WNT7A: variants seen among roughly 807,000 people sequenced by gnomAD.
WNT7A encodes the protein Wnt family member 7A.
Under a neutral mutation model 28.2 loss-of-function variants are expected in WNT7A, and 16 were observed. The ratio of observed to expected loss-of-function variants is 0.57; its 90% CI spans 0.38 to 0.86. The LOEUF is 0.86. Among genes scored for constraint, WNT7A ranks in the 40% least tolerant of loss-of-function variants. WNT7A has a pLI of 0.00. For missense variants in WNT7A, 411 were observed against 489.7 expected, an observed-to-expected ratio of 0.84 and a Z score of 1.52; for synonymous variants, 190 against 195.9, an observed-to-expected ratio of 0.97 and a Z score of 0.25.
At chr3:13,829,826 G>A (rs1175985088) in intron 3 of WNT7A, among the ~76,000 whole-genome samples, 1 of 152,126 alleles carries the variant, frequency 6.6e-6, no homozygotes, top group African/African-American at 2.4e-5. Context: ...AGAGATGAGA[G>A]GAAGTGACCA....
intron 1 of WNT7A, among the ~76,000 whole-genome samples, chr3:13,877,937 T>C (rs567143129): frequency 6.6e-6 from 1 of 152,228 alleles, no homozygotes; most frequent in East Asian, 1.9e-4. Flanking sequence ...TCTGGGGAAA[T>C]GGAAAAACCT....
At chr3:13,873,041 A>T (rs1695049257) in intron 2 of WNT7A, among the ~76,000 whole-genome samples, 1 of 152,040 alleles carries the variant, frequency 6.6e-6, no homozygotes, top group Admixed American at 6.6e-5. Flanking sequence ...GTGTTATCTG[A>T]GTAGAAGAAA....
intron 3 of WNT7A, among the ~76,000 whole-genome samples, chr3:13,854,172 G>C (rs1164813113): frequency 6.6e-6 from 1 of 152,008 alleles, no homozygotes; most frequent in Non-Finnish European, 1.5e-5. Context: ...GAGGGACGGA[G>C]GGAAGGAGGG....
chr3:13,821,120 G>A (rs1694102780), intron 3 of WNT7A, among the ~76,000 whole-genome samples: 1 of 152,222 alleles, frequency 6.6e-6, no homozygotes, highest in Non-Finnish European at 1.5e-5. Flanking sequence ...TACTGCCTTG[G>A]CTTAAGAAGC....
intron 2 of WNT7A, among the ~76,000 whole-genome samples, chr3:13,862,262 G>A (rs1694842647): frequency 1.3e-5 from 2 of 152,238 alleles, no homozygotes; most frequent in Admixed American, 6.5e-5. Context: ...CGCCCTCTGT[G>A]GTTCCAGCTC....
chr3:13,846,048 C>G (rs1694532165), intron 3 of WNT7A, among the ~76,000 whole-genome samples: 1 of 152,222 alleles, frequency 6.6e-6, no homozygotes, highest in Non-Finnish European at 1.5e-5. Context: ...AGGTGGCACA[C>G]AGAATCCCCT....
At chr3:13,840,954 T>C (rs941991505) in intron 3 of WNT7A, among the ~76,000 whole-genome samples, 4 of 152,200 alleles carry the variant, frequency 2.6e-5, no homozygotes, top group Non-Finnish European at 5.9e-5. Context: ...CCAGTTCATG[T>C]TGTCATATTT....
At chr3:13,857,489 G>A (rs557826081) in intron 2 of WNT7A, among the ~76,000 whole-genome samples, 14 of 152,252 alleles carry the variant, frequency 9.2e-5, no homozygotes, top group Middle Eastern at 3.4e-3. Context: ...GCAGGAGGTG[G>A]GCAGGTGGGG....
At chr3:13,856,905 G>GAAGAAGAAGAAGAAA (rs1426610045) in intron 2 of WNT7A, among the ~76,000 whole-genome samples, 1,231 of 65,624 alleles carry the variant, frequency 0.019, 13 homozygotes, top group Non-Finnish European at 0.026. Flanking sequence ...AGAAGAAGAA[G>GAAGAAGAAGAAGAAA]AAGAAGAAGA....
rs1165912066 is a variant in WNT7A, at chr3:13,879,809, C to T, written c.8G>A (p.Arg3Gln). 7.4e-6 allele frequency: 12 copies of T among 1,611,544 alleles called. No individual in the cohort carries two copies. The highest frequency in any genetic ancestry group is 6.7e-5 in the East Asian group (3 of 44,774). Residue 3 changes from arginine to glutamine, a missense_variant, in exon 1 of 4, where the codon CGG (arginine) becomes CAG (glutamine). Transcript: ENST00000285018. MN[R>Q]KARRCLGHLF... ...GTGGCCCAGGCAGCGCCGCGCTTTC[C>T]GGTTCATAGTCCCGATTGGCCGCCG...
At chr3:13,838,668 G>A (rs1044088582) in intron 3 of WNT7A, among the ~76,000 whole-genome samples, 1 of 152,232 alleles carries the variant, frequency 6.6e-6, no homozygotes, top group Non-Finnish European at 1.5e-5. Context: ...AGTTTTGCAG[G>A]ACTGCTCTGG....
At chr3:13,854,492 C>A in intron 3 of WNT7A, 40 bp downstream of exon 3, 1 of 1,613,354 alleles carries the variant, frequency 6.2e-7, no homozygotes, top group Non-Finnish European at 8.5e-7. Flanking sequence ...TTTGCAGCAT[C>A]TCCGCGAGCG....
Position 13,879,964 on chromosome 3 carries a change from G to T in WNT7A, c.-148C>A, listed in dbSNP as rs1695185050. ...CGGTGCGCCCGTCCGCGCGCTCCGC[G>T]CCTGAGCCTCGCCAGGAGCACGGGA... On this transcript the variant is annotated 5_prime_UTR_variant, in exon 1 of 4. Transcript: ENST00000285018. 1 of 523,540 alleles carries T rather than the reference G, an allele frequency of 1.9e-6. No homozygotes were observed. Among genetic ancestry groups the T allele is most frequent in the Non-Finnish European group, 3.0e-6 (1 of 335,868 alleles). 32.4% of individuals were successfully genotyped at this position (523,540 alleles called of 1,614,324 possible). A position where few individuals can be genotyped will look rare whatever the true frequency, so the allele number is the denominator to read the frequency against.
intron 2 of WNT7A, among the ~76,000 whole-genome samples, chr3:13,867,334 G>A (rs1210236746): frequency 6.6e-6 from 1 of 152,092 alleles, no homozygotes; most frequent in African/African-American, 2.4e-5. Flanking sequence ...GCAAGACAAG[G>A]GGTTCTCAAA....
At chr3:13,854,923 A>T in intron 2 of WNT7A, 120 bp from the exon 3 acceptor site, 1 of 1,358,620 alleles carries the variant, frequency 7.4e-7, no homozygotes, top group East Asian at 2.4e-5. Flanking sequence ...AGCTCGACTG[A>T]GTACCCGTTC....
chr3:13,868,418 T>C (rs1431112632), intron 2 of WNT7A, among the ~76,000 whole-genome samples: 1 of 150,624 alleles, frequency 6.6e-6, no homozygotes, highest in Non-Finnish European at 1.5e-5. Flanking sequence ...GAGGCTGCAG[T>C]GAGCTATATT....
At chr3:13,860,175 G>A (rs1575070905) in intron 2 of WNT7A, among the ~76,000 whole-genome samples, 1 of 152,188 alleles carries the variant, frequency 6.6e-6, no homozygotes, top group Non-Finnish European at 1.5e-5. Context: ...ATTCCCCAGT[G>A]TAGATGTCAT....
At chr3:13,848,024 A>G (rs1386483945) in intron 3 of WNT7A, among the ~76,000 whole-genome samples, 3 of 152,144 alleles carry the variant, frequency 2.0e-5, no homozygotes, top group Non-Finnish European at 2.9e-5. Flanking sequence ...CATACAATTT[A>G]AAAAAGAAAT....
At chr3:13,843,052 T>G (rs1418015620) in intron 3 of WNT7A, among the ~76,000 whole-genome samples, 2 of 152,178 alleles carry the variant, frequency 1.3e-5, no homozygotes, top group Non-Finnish European at 2.9e-5. Flanking sequence ...TGCCATGGCT[T>G]GGTGTCCTGT....
Sources: allele counts gnomAD v4.1 joint callset (sites outside exome capture counted in the v4.1 genomes callset), GRCh38; gene constraint gnomAD v4.1.1; transcripts MANE v1.5; gene names NCBI Gene and HGNC (gene_info 2026-07-23, HGNC 2026-07-21).